Variants in TLN2 observed in about 807,000 individuals in gnomAD.
TLN2 encodes talin-2.
Under a neutral mutation model 294.7 loss-of-function variants are expected in TLN2, and 118 were observed. That is an observed-to-expected ratio of 0.40 (90% CI 0.34 to 0.47). TLN2 has a LOEUF of 0.47. Ranked by LOEUF, TLN2 falls within the 20% of genes least tolerant of loss-of-function variation. The pLI is 0.84. For synonymous variants in TLN2, 1,431 were observed against 1,304.5 expected (o/e 1.10, Z -2.09); for missense variants, 3,083 against 3,282.2 (o/e 0.94, Z 1.48).
intron 1 of TLN2, among the ~76,000 whole-genome samples, chr15:62,499,472 T>C (rs1448976244): frequency 1.3e-5 from 2 of 152,150 alleles, no homozygotes; most frequent in Non-Finnish European, 2.9e-5. Context: ...AGAAATGGCC[T>C]GGATATGGCT....
At chr15:62,813,752 A>T (rs147628267) in intron 52 of TLN2, among the ~76,000 whole-genome samples, 1,552 of 152,136 alleles carry the variant, frequency 0.01, 20 homozygotes, top group African/African-American at 0.028. Flanking sequence ...CATTCTCTAG[A>T]TGTAAAGATG....
Position 62,809,975 on chromosome 15 carries a change from G to A in TLN2, c.6714G>A (p.Leu2238=). The A allele has an allele frequency of 6.2e-7, 1 of 1,614,104 alleles. No individual in the cohort carries two copies. Among genetic ancestry groups the A allele is most frequent in the Non-Finnish European group, 8.5e-7 (1 of 1,180,038 alleles). ...GTGACGAGGTGAGAACCAGAGCCTT[G>A]CGTTTCGGGACGGAGTGCACCCTTG... ...DVSDEVRTRA[L]RFGTECTLGY... The change falls in exon 52 of 59, where the codon TTG becomes TTA. Residue 2238 remains leucine (L), a synonymous_variant. Coordinates refer to ENST00000636159, the MANE Select transcript of TLN2 (RefSeq NM_015059.3).
At chr15:62,677,524 G>A (rs1041008846) in intron 11 of TLN2, among the ~76,000 whole-genome samples, 8 of 152,122 alleles carry the variant, frequency 5.3e-5, no homozygotes, top group African/African-American at 1.9e-4. Context: ...TGACAATTTG[G>A]AACCTAAGAA....
At chr15:62,776,146 C>A (rs527422172) in intron 42 of TLN2, among the ~76,000 whole-genome samples, 113 of 152,164 alleles carry the variant, frequency 7.4e-4, no homozygotes, top group Non-Finnish European at 9.6e-4. Context: ...TTAGCCCCTA[C>A]TCTGCTTGAC....
intron 1 of TLN2, among the ~76,000 whole-genome samples, chr15:62,583,006 C>G (rs544704821): frequency 4.6e-5 from 7 of 151,984 alleles, no homozygotes; most frequent in African/African-American, 1.7e-4. Context: ...CCTCCATTGC[C>G]TCCTTAAAAA....
intron 1 of TLN2, among the ~76,000 whole-genome samples, chr15:62,486,633 A>C (rs1171516424): frequency 6.6e-6 from 1 of 151,964 alleles, no homozygotes; most frequent in Non-Finnish European, 1.5e-5. Flanking sequence ...TCAGTCCATC[A>C]CATCAGGAGG....
Position 62,690,354 on chromosome 15 carries a change from C to T in TLN2, c.1114-2486C>T, listed in dbSNP as rs541684203. 1.4e-4 allele frequency: 22 copies of T among 154,168 alleles called. 2 individuals are homozygous for T. The South Asian group carries it at 3.6e-3, about 25-fold the overall frequency. The allele number at this position is 154,168 out of a possible 1,614,324, so 9.6% of individuals were successfully genotyped here. Reference sequence around the variant, plus strand: ...ACGGGGTCGCGGCCGGGCAGAGGCGCTCCTCACCTCCCAGACGGGGCGGCG... The same window carrying T: ...ACGGGGTCGCGGCCGGGCAGAGGCGTTCCTCACCTCCCAGACGGGGCGGCG... On this transcript the variant is annotated intron_variant, in intron 12 of 58. Coordinates refer to ENST00000636159, the MANE Select transcript of TLN2 (RefSeq NM_015059.3).
At chr15:62,509,583 T>G (rs1441782707) in intron 1 of TLN2, among the ~76,000 whole-genome samples, 1 of 152,182 alleles carries the variant, frequency 6.6e-6, no homozygotes, top group Non-Finnish European at 1.5e-5. Context: ...TCTCCTATCT[T>G]CGGCATAACT....
intron 9 of TLN2, among the ~76,000 whole-genome samples, chr15:62,659,594 C>T (rs2053599201): frequency 6.6e-6 from 1 of 152,164 alleles, no homozygotes; most frequent in Non-Finnish European, 1.5e-5. Context: ...CAACAGTATT[C>T]TTCCCTTAAT....
In TLN2 at chr15:62,753,934, T is replaced by C; in HGVS notation, c.4476+18T>C. ...CATCACAGGTAACTGTTGGGGAGGA[T>C]GTAAGATTTCAAGCCCTTAAGCAGC... On this transcript the variant is annotated intron_variant, in intron 36 of 58. Transcript: ENST00000636159. 6.4e-7 allele frequency: 1 copy of C among 1,562,046 alleles called. No individual in the cohort carries two copies. The highest frequency in any genetic ancestry group is 8.7e-7 in the Non-Finnish European group (1 of 1,152,514).
At chr15:62,636,604 G>A (rs1168153139) in intron 3 of TLN2, among the ~76,000 whole-genome samples, 1 of 152,124 alleles carries the variant, frequency 6.6e-6, no homozygotes, top group Non-Finnish European at 1.5e-5. Flanking sequence ...TTTTGCCCAA[G>A]TCAAAAAATG....
At chr15:62,655,019 G>A (rs1435913093) in intron 7 of TLN2, among the ~76,000 whole-genome samples, 1 of 150,982 alleles carries the variant, frequency 6.6e-6, no homozygotes, top group Admixed American at 6.6e-5. Flanking sequence ...TATTGCCATT[G>A]TGTTTATTGA....
chr15:62,822,768 G>A (rs1426754379), intron 54 of TLN2, among the ~76,000 whole-genome samples: 2 of 152,126 alleles, frequency 1.3e-5, no homozygotes, highest in African/African-American at 2.4e-5. Context: ...TGTGTAGCAC[G>A]AAGAAAATGC....
intron 8 of TLN2, among the ~76,000 whole-genome samples, 169 bp from the exon 9 acceptor site, chr15:62,657,602 G>C (rs1019068028): frequency 5.9e-5 from 9 of 152,092 alleles, no homozygotes; most frequent in Non-Finnish European, 2.9e-5. Flanking sequence ...TTTTGCCTTA[G>C]TTTTCTCCCA....
chr15:62,410,066 A>AC (rs1246152600), intron 1 of TLN2, among the ~76,000 whole-genome samples: 1 of 151,868 alleles, frequency 6.6e-6, no homozygotes, highest in African/African-American at 2.4e-5. Context: ...ACATGGTAAA[A>AC]CCCCGTCTCT....
intron 2 of TLN2, among the ~76,000 whole-genome samples, chr15:62,595,943 T>A (rs1459764853): frequency 6.6e-6 from 1 of 152,190 alleles, no homozygotes; most frequent in East Asian, 1.9e-4. Context: ...AAAGAATAAG[T>A]TCAAGAGCTC....
chr15:62,602,954 G>A lies in TLN2; in HGVS notation c.-162+13192G>A, dbSNP rs1287399076. 5.3e-5 allele frequency among the ~76,000 whole-genome samples: 8 copies of A among 151,422 alleles called. No homozygotes were observed. The East Asian group carries it at 9.7e-4, about 18-fold the overall frequency. ...GTTGCCCAGGCTGGAGTGCAGTGGC[G>A]CGATCTTGGCTCACTGCAAACTCTG... On this transcript the variant is annotated intron_variant, in intron 2 of 58. Coordinates refer to ENST00000636159, the MANE Select transcript of TLN2 (RefSeq NM_015059.3).
intron 28 of TLN2, among the ~76,000 whole-genome samples, chr15:62,731,280 G>A (rs548490823): frequency 9.2e-5 from 14 of 151,448 alleles, no homozygotes; most frequent in African/African-American, 3.4e-4. Context: ...TTATTGTCAG[G>A]GATTTTTTTT....
At chr15:62,767,948 A>G (rs1429285669) in intron 41 of TLN2, among the ~76,000 whole-genome samples, 1 of 150,606 alleles carries the variant, frequency 6.6e-6, no homozygotes, top group East Asian at 2.0e-4. Flanking sequence ...GAAACATAAT[A>G]TATTTATGTC....
Sources: allele counts gnomAD v4.1 joint callset (sites outside exome capture counted in the v4.1 genomes callset), GRCh38; gene constraint gnomAD v4.1.1; transcripts MANE v1.5; gene names NCBI Gene and HGNC (gene_info 2026-07-23, HGNC 2026-07-21).